The following CCDC174 variants were observed in gnomAD, a reference collection of about 807,000 sequenced individuals.
The protein encoded by CCDC174 is coiled-coil domain-containing protein 174.
A neutral mutation model predicts 57.1 loss-of-function variants in CCDC174; 37 were observed. The observed-to-expected ratio is 0.65, with a 90% CI of 0.50 to 0.85. The LOEUF (loss-of-function observed/expected upper bound fraction) is 0.85, where lower values mean the gene tolerates loss of function less well. Among genes scored for constraint, CCDC174 ranks in the 40% least tolerant of loss-of-function variants. The pLI is 0.00. For synonymous variants in CCDC174, 182 were observed against 190.2 expected, an observed-to-expected ratio of 0.96 and a Z score of 0.35; for missense variants, 540 against 574.3, an observed-to-expected ratio of 0.94 and a Z score of 0.61.
intron 1 of CCDC174, among the ~76,000 whole-genome samples, chr3:14,652,815 T>A (rs778701292): frequency 6.7e-6 from 1 of 149,284 alleles, no homozygotes; most frequent in Non-Finnish European, 1.5e-5. Context: ...GGCAGGAGAA[T>A]CGCTTGAACC....
At chr3:14,665,341 G>A (rs3773487) in intron 6 of CCDC174, among the ~76,000 whole-genome samples, 50,143 of 152,016 alleles carry the variant, frequency 0.33, 8,412 homozygotes, top group Admixed American at 0.39. Flanking sequence ...GATGAGTAGA[G>A]CTGTCTCTTT....
chr3:14,666,983 T>C, intron 7 of CCDC174, 36 bp downstream of exon 7: 1 of 1,551,012 alleles, frequency 6.4e-7, no homozygotes, highest in Non-Finnish European at 8.7e-7. Flanking sequence ...CAAATCTTAT[T>C]TTTAACCTTA....
chr3:14,669,947 T>G lies in CCDC174; in HGVS notation c.966T>G (p.Ile322Met), dbSNP rs2031459423. The G allele has an allele frequency of 6.2e-7, 1 of 1,613,988 alleles. No homozygotes were observed. The highest frequency in any genetic ancestry group is 1.3e-5 in the African/African-American group (1 of 75,032). Residue 322 changes from isoleucine to methionine, a missense_variant, in exon 10 of 11, where the codon ATT becomes ATG. Physicochemically the swap from Ile to Met is conservative, Grantham distance 10. Transcript: ENST00000383794. ...TACAAAAAATAGATGGAGATGTTATTGGGCCTTTGCCACCGGAGCCAGAGG... is the reference window on the plus strand; with the variant it reads ...TACAAAAAATAGATGGAGATGTTATGGGGCCTTTGCCACCGGAGCCAGAGG... Reference protein sequence around the residue: ...TEEENRDGDVIGPLPPEPEAV... With the variant: ...TEEENRDGDVMGPLPPEPEAV...
At position 14,669,868 on chromosome 3, in the gene CCDC174, T is replaced by C. The variant is rs571955375; in HGVS notation, c.953-66T>C. The stretch of plus-strand genomic sequence containing the variant: ...TACTTTTACTTTCAGGATTAGCATG[T>C]TCTGTATTTTTAAAAATAGCTTTAG... On this transcript the variant is annotated intron_variant, in intron 9 of 10. Transcript: ENST00000383794. 21 of 1,514,140 alleles carry C rather than the reference T, an allele frequency of 1.4e-5. No homozygotes were observed. The African/African-American group carries it at 2.5e-4, about 18-fold the overall frequency. The allele number at this position is 1,514,140 out of a possible 1,614,324, so 93.8% of individuals were successfully genotyped here.
At chr3:14,652,213 C>G (rs1468757642) in intron 1 of CCDC174, among the ~76,000 whole-genome samples, 3 of 152,218 alleles carry the variant, frequency 2.0e-5, no homozygotes, top group African/African-American at 7.2e-5. Context: ...CCCTTACAGT[C>G]AGGAGGAACC....
intron 2 of CCDC174, among the ~76,000 whole-genome samples, 164 bp downstream of exon 2, chr3:14,654,694 A>C (rs1289320227): frequency 6.6e-6 from 1 of 152,264 alleles, no homozygotes; most frequent in Non-Finnish European, 1.5e-5. Flanking sequence ...AATAGAAATT[A>C]GTAAGATTAT....
In CCDC174 at chr3:14,669,934, A is replaced by G. The variant is rs149348240; in HGVS notation, c.953A>G (p.Asp318Gly). The G allele has an allele frequency of 6.2e-7, 1 of 1,613,802 alleles. No homozygotes were observed. Among genetic ancestry groups the G allele is most frequent in the Non-Finnish European group, 8.5e-7 (1 of 1,179,882 alleles). ...TGTCTTATTCTTTTACAAAAAATAG[A>G]TGGAGATGTTATTGGGCCTTTGCCA... ...KEGGTEEENRDGDVIGPLPPE... is the reference protein window; with the variant it reads ...KEGGTEEENRGGDVIGPLPPE... The change falls in exon 10 of 11, where the codon GAT becomes GGT. Residue 318 changes from aspartate (D) to glycine (G), a missense_variant and splice_region_variant. Asp to Gly is a moderately conservative substitution (Grantham distance 94, BLOSUM62 -1). Coordinates refer to ENST00000383794, the MANE Select transcript of CCDC174 (RefSeq NM_016474.5).
Position 14,668,061 on chromosome 3 carries a change from A to G in CCDC174, c.832A>G (p.Arg278Gly). The G allele has an allele frequency of 1.9e-6, 3 of 1,599,358 alleles. No homozygotes were observed. The highest frequency in any genetic ancestry group is 2.6e-6 in the Non-Finnish European group (3 of 1,175,122). The change falls in exon 9 of 11, where the codon AGA becomes GGA. Residue 278 changes from arginine (R) to glycine (G), a missense_variant. Arg to Gly is a moderately radical substitution (Grantham distance 125). Coordinates refer to ENST00000383794, the MANE Select transcript of CCDC174 (RefSeq NM_016474.5). ...EMLREQTTDQ[R>G]TKRENIKEKR... Reference sequence around the variant, plus strand: ...ATTTTCTGTTCAGACAACAGATCAGAGAACAAAACGAGAAAACATAAAGGA... The same window carrying G: ...ATTTTCTGTTCAGACAACAGATCAGGGAACAAAACGAGAAAACATAAAGGA...
rs975888863 is a variant in CCDC174, at chr3:14,659,585, A to C, written c.307+656A>C. Among the ~76,000 whole-genome samples, 8 of 152,148 alleles carry C rather than the reference A, an allele frequency of 5.3e-5. No individual in the cohort carries two copies. In the South Asian group the frequency reaches 6.2e-4, roughly 12 times the overall value. ...CATGCCTATAGTCCCATTATTTAGG[A>C]GCCTGAGGCTTGAGCTCAGGACTTT... On this transcript the variant is annotated intron_variant, in intron 4 of 10. Coordinates refer to ENST00000383794, the MANE Select transcript of CCDC174 (RefSeq NM_016474.5).
intron 5 of CCDC174, among the ~76,000 whole-genome samples, chr3:14,662,339 C>T (rs890492830): frequency 1.3e-5 from 2 of 149,212 alleles, no homozygotes; most frequent in Admixed American, 6.7e-5. Context: ...CACCCCCCCG[C>T]CCCCCTTCAA....
At chr3:14,663,495 T>C (rs937908585) in intron 5 of CCDC174, among the ~76,000 whole-genome samples, 4 of 152,190 alleles carry the variant, frequency 2.6e-5, no homozygotes, top group African/African-American at 9.7e-5. Flanking sequence ...GTTTCATGGG[T>C]GTGTGCCTTA....
At chr3:14,669,280 G>C (rs1248033901) in intron 9 of CCDC174, among the ~76,000 whole-genome samples, 3 of 152,164 alleles carry the variant, frequency 2.0e-5, no homozygotes, top group Non-Finnish European at 4.4e-5. Flanking sequence ...GAACAAAACA[G>C]ACCAGAAACA....
intron 9 of CCDC174, among the ~76,000 whole-genome samples, chr3:14,669,208 G>A (rs1227879564): frequency 6.6e-6 from 1 of 152,192 alleles, no homozygotes; most frequent in African/African-American, 2.4e-5. Flanking sequence ...GGTATGAAGG[G>A]ACGTATAGCT....
intron 2 of CCDC174, among the ~76,000 whole-genome samples, chr3:14,655,144 C>T (rs562287623): frequency 3.9e-5 from 6 of 152,026 alleles, no homozygotes; most frequent in South Asian, 4.2e-4. Context: ...GGCAAAACCC[C>T]GTCTCTACAA....
intron 1 of CCDC174, 99 bp downstream of exon 1, chr3:14,651,977 G>T: frequency 8.3e-7 from 1 of 1,199,124 alleles, no homozygotes. Context: ...CGGGGACCCA[G>T]AGACCTGACC....
rs780581663 is a variant in CCDC174 at position 14,655,572 on chromosome 3, G to C, written c.191G>C (p.Arg64Pro). ...WSKQNVGVSN[R>P]AEKDAEQKIE... is the part of the protein sequence containing the mutation. Reference sequence around the variant, plus strand: ...AAACAGAATGTAGGCGTTTCAAATCGAGCTGAGAAGGATGCTGAACAGAAG... The same window carrying C: ...AAACAGAATGTAGGCGTTTCAAATCCAGCTGAGAAGGATGCTGAACAGAAG... The change falls in exon 3 of 11, where the codon CGA becomes CCA. Residue 64 changes from arginine to proline, a missense_variant. Transcript: ENST00000383794. 6.2e-7 allele frequency: 1 copy of C among 1,610,288 alleles called. No homozygotes were observed. Among genetic ancestry groups the C allele is most frequent in the South Asian group, 1.1e-5 (1 of 90,662 alleles).
At chr3:14,656,018 T>C (rs950907973) in intron 3 of CCDC174, among the ~76,000 whole-genome samples, 2 of 152,172 alleles carry the variant, frequency 1.3e-5, no homozygotes, top group African/African-American at 4.8e-5. Flanking sequence ...TTCACCTAAA[T>C]TCCCCAGTTA....
chr3:14,669,424 A>T (rs951711613), intron 9 of CCDC174, among the ~76,000 whole-genome samples: 2 of 152,228 alleles, frequency 1.3e-5, no homozygotes, highest in Non-Finnish European at 2.9e-5. Flanking sequence ...GTGAAGCGCC[A>T]CCACAGTGTT....
intron 1 of CCDC174, among the ~76,000 whole-genome samples, chr3:14,652,903 A>AGGGGCGG (rs572372129): frequency 3.7e-5 from 4 of 108,088 alleles, no homozygotes; most frequent in Admixed American, 1.3e-4. Context: ...ACTCCGTCTA[A>AGGGGCGG]GGGGCGGGGG....
Sources: gnomAD v4.1 joint callset for allele counts (sites outside exome capture counted in the v4.1 genomes callset) on GRCh38, gnomAD v4.1.1 for gene constraint, MANE v1.5 for transcripts, NCBI Gene and HGNC (gene_info 2026-07-23, HGNC 2026-07-21) for gene names.